Variants in FAM234A observed in about 807,000 individuals in gnomAD.
FAM234A encodes the protein protein FAM234A.
In FAM234A, 42 loss-of-function variants were observed where a neutral mutation model predicts 49.1. That is an observed-to-expected ratio of 0.86 (90% CI 0.67 to 1.11). FAM234A has a LOEUF of 1.11. FAM234A is among the 50% of genes least tolerant of loss of function. The pLI, the probability that FAM234A is intolerant of heterozygous loss-of-function variation, is 0.00. For synonymous variants in FAM234A, 369 were observed against 316.2 expected (o/e 1.17, Z -1.77); for missense variants, 815 against 745.2 (o/e 1.09, Z -1.09).
At chr16:251,384 G>GT (rs984445680) in intron 2 of FAM234A, among the ~76,000 whole-genome samples, 13 of 150,964 alleles carry the variant, frequency 8.6e-5, no homozygotes, top group South Asian at 6.3e-4. Flanking sequence ...TTTTTGTTTT[G>GT]TTTTTTTTGA....
At chr16:243,900 GGTAA>G (rs1297785980) in intron 1 of FAM234A, among the ~76,000 whole-genome samples, 6 of 152,048 alleles carry the variant, frequency 3.9e-5, no homozygotes, top group African/African-American at 1.4e-4. Context: ...CATTTGCTCA[GGTAA>G]GTATTTGGGG....
At chr16:268,810 C>G, downstream of FAM234A, 1 of 1,550,320 alleles carries the variant, frequency 6.5e-7, no homozygotes, top group Non-Finnish European at 8.7e-7. Context: ...GGCTCTTGGA[C>G]GGGGCAGAGC....
intron 2 of FAM234A, among the ~76,000 whole-genome samples, chr16:252,804 T>C (rs1202442594): frequency 2.0e-5 from 3 of 152,258 alleles, no homozygotes; most frequent in Non-Finnish European, 4.4e-5. Context: ...TATCTCTCTG[T>C]CTTCCTGACC....
At chr16:254,954 C>T (rs1414523273) in intron 3 of FAM234A, among the ~76,000 whole-genome samples, 1 of 152,206 alleles carries the variant, frequency 6.6e-6, no homozygotes, top group East Asian at 1.9e-4. Context: ...CTCCGGAGTT[C>T]AAGCGATTCT....
At chr16:256,850 C>T (rs933846255) in intron 3 of FAM234A, among the ~76,000 whole-genome samples, 4 of 151,398 alleles carry the variant, frequency 2.6e-5, no homozygotes, top group Non-Finnish European at 5.9e-5. Flanking sequence ...TCAAGTGATT[C>T]TCCTGCCTCA....
intron 3 of FAM234A, 84 bp from the exon 4 acceptor site, chr16:259,397 AGC>A: frequency 1.3e-6 from 1 of 759,130 alleles, no homozygotes; most frequent in Non-Finnish European, 2.3e-6. Context: ...GGTTCCATGT[AGC>A]AGAGAAGTAG....
intron 1 of FAM234A, among the ~76,000 whole-genome samples, chr16:243,162 A>G (rs1313540122): frequency 1.3e-5 from 2 of 151,846 alleles, no homozygotes; most frequent in African/African-American, 4.8e-5. Flanking sequence ...TACTTTTTGT[A>G]GAGATGGGGT....
rs188300841 is a variant in FAM234A at position 255,426 on chromosome 16, C to T, written c.268+745C>T. Among the ~76,000 whole-genome samples the T allele has an allele frequency of 4.7e-4, 71 of 152,238 alleles. 1 individual carries two copies. The highest frequency in any genetic ancestry group is 9.1e-4 in the Non-Finnish European group (62 of 68,008). On this transcript the variant is annotated intron_variant, in intron 3 of 12. Coordinates refer to ENST00000399932, the MANE Select transcript of FAM234A (RefSeq NM_032039.4). ...GCATCTCTACAAAAAATACAAAAAT[C>T]AGCCAGGCGTGGTGGCATGCAGCTG... is the stretch of plus-strand genomic sequence containing the variant.
Position 238,691 on chromosome 16 carries a change from G to A in FAM234A, c.-140+3834G>A, listed in dbSNP as rs543423688. Among the ~76,000 whole-genome samples the A allele has an allele frequency of 3.2e-3, 473 of 147,880 alleles. 5 individuals carry two copies. Among genetic ancestry groups the A allele is most frequent in the African/African-American group, 0.011 (448 of 39,956 alleles). On this transcript the variant is annotated intron_variant, in intron 1 of 12. Transcript: ENST00000399932. ...TGAGGCAGGAGAATGGCGTGAACCC[G>A]GGAGGCGGAGGTTGTAGTGAGCAGA...
rs755849549 is a variant in FAM234A, at chr16:262,078, C to T, written c.709-15C>T. The stretch of plus-strand genomic sequence containing the variant: ...TCAGGTCCCTCTCTTCCTGTGTCAT[C>T]CTGTGTCATTGCAGGTTAGTGGCCA... On this transcript the variant is annotated splice_polypyrimidine_tract_variant and intron_variant, in intron 6 of 12. Transcript: ENST00000399932. 3 of 1,612,860 alleles carry T rather than the reference C, an allele frequency of 1.9e-6. No homozygotes were observed. The highest frequency in any genetic ancestry group is 2.7e-5 in the African/African-American group (2 of 74,836).
rs1212185754 is a variant in FAM234A, at chr16:246,314, T to TCTC, written c.-139-3234_-139-3232dup. On this transcript the variant is annotated intron_variant, in intron 1 of 12. Coordinates refer to ENST00000399932, the MANE Select transcript of FAM234A (RefSeq NM_032039.4). ...TTTTTTTTTTGTGACGAGGTCTCAC[T>TCTC]CTCACCCAGGCTGGAGCACAGTGGT... 2.7e-5 allele frequency among the ~76,000 whole-genome samples: 4 copies of TCTC among 147,448 alleles called. No homozygotes were observed. The East Asian group carries it at 8.2e-4, about 30-fold the overall frequency.
Position 265,385 on chromosome 16 carries a change from GCTT to G in FAM234A, c.*366_*368del. 2 of 1,051,398 alleles carry G rather than the reference GCTT, an allele frequency of 1.9e-6. No individual in the cohort carries two copies. Among genetic ancestry groups the G allele is most frequent in the Non-Finnish European group, 2.3e-6 (2 of 872,544 alleles). 65.1% of individuals were successfully genotyped at this position (1,051,398 alleles called of 1,614,324 possible). The stretch of plus-strand genomic sequence containing the variant: ...CTTACCCGGTGCCCTCTCCTTGCCA[GCTT>G]CTCCCCAGGCCAGAGCGGCCATCGC... On this transcript the variant is annotated 3_prime_UTR_variant, in exon 13 of 13. Transcript: ENST00000399932.
chr16:239,230 G>A (rs983187041), intron 1 of FAM234A, among the ~76,000 whole-genome samples: 25 of 137,618 alleles, frequency 1.8e-4, no homozygotes, highest in Non-Finnish European at 2.5e-4. Context: ...AACCCAGGAG[G>A]CAGAGGTTGC....
chr16:252,190 T>G (rs1034367083), intron 2 of FAM234A, among the ~76,000 whole-genome samples: 49 of 146,532 alleles, frequency 3.3e-4, no homozygotes, highest in Admixed American at 5.4e-4. Context: ...TTTTTGTTTT[T>G]TTTTTTTTTT....
At chr16:258,361 C>G (rs369536851) in intron 3 of FAM234A, among the ~76,000 whole-genome samples, 12 of 152,116 alleles carry the variant, frequency 7.9e-5, no homozygotes, top group South Asian at 2.1e-4. Flanking sequence ...TGACTCTTAA[C>G]GAGCATGCTG....
intron 1 of FAM234A, among the ~76,000 whole-genome samples, chr16:245,498 C>A (rs1270060539): frequency 6.6e-6 from 1 of 152,182 alleles, no homozygotes; most frequent in Non-Finnish European, 1.5e-5. Flanking sequence ...TGTTTCCCCA[C>A]TGGGGTCCTT....
downstream of FAM234A, chr16:268,972 AG>A (rs2051793370): frequency 1.3e-6 from 2 of 1,542,776 alleles, no homozygotes; most frequent in Non-Finnish European, 1.8e-6. Flanking sequence ...GAGAAGGTGG[AG>A]CTCCCTGTGG....
chr16:267,259 T>C (rs995885479), downstream of FAM234A, among the ~76,000 whole-genome samples: 5 of 151,810 alleles, frequency 3.3e-5, no homozygotes, highest in African/African-American at 9.7e-5. Flanking sequence ...AGGGCAGGCG[T>C]CCCCACACAC....
intron 1 of FAM234A, among the ~76,000 whole-genome samples, chr16:246,772 T>C (rs571450035): frequency 6.8e-6 from 1 of 147,778 alleles, no homozygotes; most frequent in African/African-American, 2.5e-5. Context: ...TTTTGTTTTG[T>C]TTTTGTTTTT....
Sources: allele counts gnomAD v4.1 joint callset (sites outside exome capture counted in the v4.1 genomes callset), GRCh38; gene constraint gnomAD v4.1.1; transcripts MANE v1.5; gene names NCBI Gene and HGNC (gene_info 2026-07-23, HGNC 2026-07-21).